Variants in DNAH5 observed in about 807,000 individuals in gnomAD.
The protein encoded by DNAH5 is dynein axonemal heavy chain 5, also known as axonemal beta dynein heavy chain 5.
A neutral mutation model predicts 518.2 loss-of-function variants in DNAH5; 372 were observed. The ratio of observed to expected loss-of-function variants is 0.72; its 90% CI spans 0.66 to 0.78. The LOEUF (loss-of-function observed/expected upper bound fraction) is 0.78, where lower values mean the gene tolerates loss of function less well. Ranked by LOEUF, DNAH5 falls within the 30% of genes least tolerant of loss-of-function variation. DNAH5 has a pLI of 0.00. For missense variants in DNAH5, 5,523 were observed against 5,687.0 expected (o/e 0.97, Z 0.93); for synonymous variants, 2,039 against 2,025.9 (o/e 1.01, Z -0.17).
At chr5:13,716,930 T>C (rs1744365823) in intron 73 of DNAH5, among the ~76,000 whole-genome samples, 1 of 152,204 alleles carries the variant, frequency 6.6e-6, no homozygotes, top group Admixed American at 6.5e-5. Flanking sequence ...TACTTCAATA[T>C]AAATAGAAAA....
At chr5:14,004,789 A>T (rs1245705828) in intron 1 of DNAH5, among the ~76,000 whole-genome samples, 1 of 152,166 alleles carries the variant, frequency 6.6e-6, no homozygotes, top group Non-Finnish European at 1.5e-5. Flanking sequence ...TAGCTGTGTG[A>T]CTTTAGGCAA....
intron 53 of DNAH5, among the ~76,000 whole-genome samples, chr5:13,780,564 T>A (rs1274489327): frequency 2.0e-5 from 3 of 152,240 alleles, no homozygotes; most frequent in Admixed American, 1.3e-4. Flanking sequence ...CCAAAAGTAG[T>A]GCATGTAATA....
chr5:13,936,865 G>C (rs2152018197), intron 1 of DNAH5, among the ~76,000 whole-genome samples: 1 of 152,274 alleles, frequency 6.6e-6, no homozygotes, highest in African/African-American at 2.4e-5. Flanking sequence ...GAAGTGGATG[G>C]AGGATGGGGC....
chr5:13,928,854 C>T (rs183384251), intron 2 of DNAH5, among the ~76,000 whole-genome samples: 87 of 152,260 alleles, frequency 5.7e-4, no homozygotes, highest in African/African-American at 2.0e-3. Flanking sequence ...CAAGTGCTGG[C>T]GAGGATGTGG....
intron 12 of DNAH5, among the ~76,000 whole-genome samples, chr5:13,907,887 C>A (rs936293603): frequency 5.3e-5 from 8 of 152,180 alleles, no homozygotes; most frequent in African/African-American, 1.9e-4. Flanking sequence ...CTTGAAGAGA[C>A]ATTAATTGAT....
intron 26 of DNAH5, 136 bp from the exon 27 acceptor site, chr5:13,866,042 G>T: frequency 1.1e-6 from 1 of 880,062 alleles, no homozygotes; most frequent in Non-Finnish European, 1.8e-6. Context: ...TACTAAGTTG[G>T]CATAATTAAT....
At chr5:13,778,999 C>CAT (rs1257336905) in intron 53 of DNAH5, among the ~76,000 whole-genome samples, 5 of 152,194 alleles carry the variant, frequency 3.3e-5, no homozygotes, top group Non-Finnish European at 5.9e-5. Flanking sequence ...AGAAATCCTA[C>CAT]AATCAATTCC....
At chr5:13,966,645 A>G (rs755969379) in intron 1 of DNAH5, among the ~76,000 whole-genome samples, 2 of 151,986 alleles carry the variant, frequency 1.3e-5, no homozygotes, top group East Asian at 1.9e-4. Context: ...TTTGTTGGCC[A>G]TTTGTATATC....
chr5:13,936,077 G>A (rs1778897378), intron 1 of DNAH5, among the ~76,000 whole-genome samples: 1 of 152,172 alleles, frequency 6.6e-6, no homozygotes, highest in African/African-American at 2.4e-5. Context: ...TACCTCACAA[G>A]AAAGGAGCTC....
At chr5:13,826,851 GA>G (rs1331201704) in intron 38 of DNAH5, among the ~76,000 whole-genome samples, 1 of 152,212 alleles carries the variant, frequency 6.6e-6, no homozygotes, top group African/African-American at 2.4e-5. Flanking sequence ...GAAGAAGACT[GA>G]AGAAATGTGG....
rs1420887573 is a variant in DNAH5 at position 13,815,003 on chromosome 5, A to G, written c.6989-157T>C. ...CCAAATGATTACCTTGTTTTATTAC[A>G]AAGGATCTTCAAAGATCTTTATATA... On this transcript the variant is annotated intron_variant, in intron 42 of 78. Coordinates refer to ENST00000265104, the MANE Select transcript of DNAH5 (RefSeq NM_001369.3). Among the ~76,000 whole-genome samples, 41 of 152,242 alleles carry G rather than the reference A, an allele frequency of 2.7e-4. 1 individual carries two copies. The highest frequency in any genetic ancestry group is 2.7e-3 in the Admixed American group (41 of 15,284).
chr5:13,763,322 A>G (rs896194708), intron 59 of DNAH5, among the ~76,000 whole-genome samples: 1 of 152,272 alleles, frequency 6.6e-6, no homozygotes, highest in East Asian at 1.9e-4. Context: ...GAGGATATAC[A>G]TATTTAGCAT....
chr5:13,989,410 A>T (rs1271078000), intron 1 of DNAH5, among the ~76,000 whole-genome samples: 1 of 152,050 alleles, frequency 6.6e-6, no homozygotes, highest in African/African-American at 2.4e-5. Context: ...GTCCCAAAAA[A>T]GTATGATCCA....
intron 45 of DNAH5, 55 bp downstream of exon 45, chr5:13,810,004 C>T: frequency 2.0e-6 from 3 of 1,474,930 alleles, no homozygotes; most frequent in Non-Finnish European, 1.9e-6. Context: ...AAATATTGGC[C>T]ATGTAGGAAA....
chr5:13,766,243 A>C, intron 58 of DNAH5, 64 bp from the exon 59 acceptor site: 1 of 1,539,002 alleles, frequency 6.5e-7, no homozygotes, highest in Non-Finnish European at 9.0e-7. Context: ...CAAACCTTGC[A>C]TGTCCAAATG....
At chr5:13,810,409 GA>G in intron 44 of DNAH5, 149 bp from the exon 45 acceptor site, 3 of 755,404 alleles carry the variant, frequency 4.0e-6, no homozygotes, top group Admixed American at 2.1e-5. Context: ...GAGAACAAAT[GA>G]AGAACTGATC....
chr5:13,746,974 G>T (rs2126669276), intron 65 of DNAH5, among the ~76,000 whole-genome samples: 1 of 151,834 alleles, frequency 6.6e-6, no homozygotes, highest in East Asian at 1.9e-4. Flanking sequence ...GTGCCATGTT[G>T]GTGTGCTGCA....
intron 29 of DNAH5, among the ~76,000 whole-genome samples, chr5:13,862,143 T>C (rs1768539699): frequency 1.3e-5 from 2 of 150,020 alleles, no homozygotes; most frequent in Non-Finnish European, 3.0e-5. Flanking sequence ...TGTAGAGCTA[T>C]GAGCTGTGCA....
At chr5:13,893,850 T>C (rs4701590) in intron 16 of DNAH5, among the ~76,000 whole-genome samples, 77,809 of 150,192 alleles carry the variant, frequency 0.52, 20,360 homozygotes, top group South Asian at 0.61. Flanking sequence ...AGGACTGGGC[T>C]ATGCAGAGGA....
Sources: gnomAD v4.1 joint callset for allele counts (sites outside exome capture counted in the v4.1 genomes callset) on GRCh38, gnomAD v4.1.1 for gene constraint, MANE v1.5 for transcripts, NCBI Gene and HGNC (gene_info 2026-07-23, HGNC 2026-07-21) for gene names.